Variants in BBS9 observed in about 807,000 individuals in gnomAD.
BBS9 encodes Bardet-Biedl syndrome 9.
BBS9 carries 89 observed loss-of-function variants against 117.7 expected under a neutral mutation model. The observed-to-expected ratio is 0.76, with a 90% CI of 0.64 to 0.90. The LOEUF is 0.90. BBS9 is among the 40% of genes least tolerant of loss of function. The pLI, the probability that BBS9 is intolerant of heterozygous loss-of-function variation, is 0.00. For missense variants in BBS9, 982 were observed against 1,042.2 expected (o/e 0.94, Z 0.80); for synonymous variants, 379 against 370.9 (o/e 1.02, Z -0.25).
chr7:33,602,717 G>A lies in BBS9; in HGVS notation c.2522-2148G>A, dbSNP rs566298777. Among the ~76,000 whole-genome samples, 4 of 152,154 alleles carry A rather than the reference G, an allele frequency of 2.6e-5. No individual in the cohort carries two copies. In the East Asian group the frequency reaches 5.8e-4, roughly 22 times the overall value. On this transcript the variant is annotated intron_variant, in intron 21 of 22. Transcript: ENST00000242067. ...GCACTCCAGCCTAGGCAACAAGAGC[G>A]AAACTCTGTCTCAAAAAAAAAGAAG...
intron 9 of BBS9, among the ~76,000 whole-genome samples, chr7:33,297,738 A>G (rs1380784879): frequency 6.6e-6 from 1 of 152,180 alleles, no homozygotes; most frequent in Non-Finnish European, 1.5e-5. Context: ...GCATTTGATA[A>G]TACTTCTGAG....
At chr7:33,289,541 T>C (rs946646481) in intron 9 of BBS9, among the ~76,000 whole-genome samples, 1 of 152,164 alleles carries the variant, frequency 6.6e-6, no homozygotes, top group Admixed American at 6.5e-5. Flanking sequence ...CAAAATACAA[T>C]GAAAAAAATG....
At chr7:33,342,921 C>A (rs1816829928) in intron 11 of BBS9, among the ~76,000 whole-genome samples, 1 of 152,094 alleles carries the variant, frequency 6.6e-6, no homozygotes, top group Non-Finnish European at 1.5e-5. Flanking sequence ...TACTTTGAAT[C>A]ATTATTATGA....
chr7:33,597,712 C>T (rs1445641412), intron 21 of BBS9, among the ~76,000 whole-genome samples: 6 of 151,858 alleles, frequency 4.0e-5, no homozygotes, highest in Non-Finnish European at 4.4e-5. Flanking sequence ...AGCCCTGGTG[C>T]GATAGGAAGG....
At chr7:33,621,111 A>G (rs1865383073) in intron 21 of BBS9, among the ~76,000 whole-genome samples, 2 of 152,322 alleles carry the variant, frequency 1.3e-5, no homozygotes, top group East Asian at 3.9e-4. Context: ...ACTGCAGACT[A>G]CTAATGGAAA....
intron 21 of BBS9, among the ~76,000 whole-genome samples, chr7:33,536,218 T>G (rs1038959595): frequency 2.6e-5 from 4 of 152,104 alleles, no homozygotes; most frequent in African/African-American, 9.7e-5. Flanking sequence ...GCTGTGTGCA[T>G]GGGCAATCAG....
chr7:33,411,009 G>GTTTTT (rs1491287081), intron 19 of BBS9, among the ~76,000 whole-genome samples: 1 of 91,586 alleles, frequency 1.1e-5, no homozygotes, highest in Non-Finnish European at 2.3e-5. Context: ...TAAAATGTTG[G>GTTTTT]TGTTTTTTTT....
intron 9 of BBS9, among the ~76,000 whole-genome samples, chr7:33,303,501 G>T (rs1806937478): frequency 1.4e-5 from 2 of 141,752 alleles, no homozygotes; most frequent in African/African-American, 2.6e-5. Context: ...GCTTTTTTTA[G>T]TATCAACTGA....
chr7:33,160,416 T>C (rs1794672815), intron 4 of BBS9, among the ~76,000 whole-genome samples: 1 of 152,196 alleles, frequency 6.6e-6, no homozygotes, highest in Admixed American at 6.6e-5. Context: ...TATTGAGGCA[T>C]AAGGTATTCC....
chr7:33,394,776 G>T (rs1032967013), intron 19 of BBS9, among the ~76,000 whole-genome samples: 4 of 152,140 alleles, frequency 2.6e-5, no homozygotes, highest in African/African-American at 9.6e-5. Flanking sequence ...TAAAGTAGGA[G>T]AAAAGAAAGG....
intron 21 of BBS9, among the ~76,000 whole-genome samples, chr7:33,587,634 A>T (rs1376039288): frequency 6.6e-6 from 1 of 152,116 alleles, no homozygotes; most frequent in Non-Finnish European, 1.5e-5. Context: ...CAATTGTTTG[A>T]CAATTGCAAG....
intron 19 of BBS9, among the ~76,000 whole-genome samples, chr7:33,407,332 C>T (rs1178490062): frequency 1.3e-5 from 2 of 152,010 alleles, no homozygotes; most frequent in African/African-American, 2.4e-5. Flanking sequence ...GTTATACATT[C>T]GTCTAAATTT....
At chr7:33,426,887 A>G (rs1019936938) in intron 19 of BBS9, among the ~76,000 whole-genome samples, 2 of 152,136 alleles carry the variant, frequency 1.3e-5, no homozygotes, top group Admixed American at 6.5e-5. Flanking sequence ...ATTCTGTACT[A>G]TATTTTCAAA....
intron 9 of BBS9, among the ~76,000 whole-genome samples, chr7:33,330,343 A>G (rs1584355354): frequency 6.6e-6 from 1 of 152,182 alleles, no homozygotes. Context: ...GGTCAAAACC[A>G]GTTGAATATC....
At chr7:33,268,633 T>C (rs764536468) in intron 7 of BBS9, among the ~76,000 whole-genome samples, 36 of 152,194 alleles carry the variant, frequency 2.4e-4, no homozygotes, top group Non-Finnish European at 4.4e-4. Context: ...TGGCTGGAAG[T>C]GGAAGAATTT....
intron 19 of BBS9, among the ~76,000 whole-genome samples, chr7:33,485,804 T>C (rs932552320): frequency 2.0e-5 from 3 of 152,156 alleles, no homozygotes; most frequent in African/African-American, 7.2e-5. Flanking sequence ...GTGTGAACCT[T>C]AAGAAGGCTA....
At chr7:33,142,942 G>C (rs141304599) in intron 1 of BBS9, among the ~76,000 whole-genome samples, 1,873 of 152,130 alleles carry the variant, frequency 0.012, 19 homozygotes, top group Non-Finnish European at 0.018. Flanking sequence ...CCACCAAGAA[G>C]TGGGATGGCT....
chr7:33,522,316 C>A (rs918846084), intron 20 of BBS9, among the ~76,000 whole-genome samples: 1 of 151,886 alleles, frequency 6.6e-6, no homozygotes, highest in Non-Finnish European at 1.5e-5. Context: ...CCTGAGGAAT[C>A]GCCACACTGA....
chr7:33,435,917 AG>A (rs1348025278), intron 19 of BBS9, among the ~76,000 whole-genome samples: 1 of 152,174 alleles, frequency 6.6e-6, no homozygotes, highest in Non-Finnish European at 1.5e-5. Context: ...AGTACTCTGA[AG>A]AATTACCAGT....
Sources: gnomAD v4.1 joint callset for allele counts (sites outside exome capture counted in the v4.1 genomes callset) on GRCh38, gnomAD v4.1.1 for gene constraint, MANE v1.5 for transcripts, NCBI Gene and HGNC (gene_info 2026-07-23, HGNC 2026-07-21) for gene names.